Variants in SPIN1 observed in about 807,000 individuals in gnomAD.
The protein encoded by SPIN1 is spindlin-1.
Under a neutral mutation model 26.0 loss-of-function variants are expected in SPIN1, and 3 were observed. That is an observed-to-expected ratio of 0.12 (90% confidence interval 0.05 to 0.30). SPIN1 has a LOEUF of 0.30. Ranked by LOEUF, SPIN1 falls within the 10% of genes least tolerant of loss-of-function variation. The pLI is 1.00. For synonymous variants in SPIN1, 101 were observed against 116.5 expected, an observed-to-expected ratio of 0.87 and a Z score of 0.86; for missense variants, 126 against 333.4, an observed-to-expected ratio of 0.38 and a Z score of 4.84.
At chr9:88,470,660 TCTC>T (rs1189669919) in intron 5 of SPIN1, among the ~76,000 whole-genome samples, 1 of 151,522 alleles carries the variant, frequency 6.6e-6, no homozygotes, top group Non-Finnish European at 1.5e-5. Context: ...ATTGGCGTGA[TCTC>T]AGCTTACTGC....
chr9:88,407,172 C>G (rs984586125), intron 1 of SPIN1, among the ~76,000 whole-genome samples: 1 of 147,384 alleles, frequency 6.8e-6, no homozygotes, highest in African/African-American at 2.5e-5. Context: ...GAGTCTCACT[C>G]TGTTGCCCAG....
At chr9:88,473,936 A>G (rs1239673679) in intron 5 of SPIN1, among the ~76,000 whole-genome samples, 1 of 152,198 alleles carries the variant, frequency 6.6e-6, no homozygotes, top group African/African-American at 2.4e-5. Flanking sequence ...ATTTCTTTTA[A>G]AAGAATTGAT....
chr9:88,472,275 A>T (rs943118011), intron 5 of SPIN1, among the ~76,000 whole-genome samples: 1 of 152,214 alleles, frequency 6.6e-6, no homozygotes, highest in Non-Finnish European at 1.5e-5. Context: ...ACAAGACTTT[A>T]TAAGTCTTCT....
At chr9:88,474,965 T>C in intron 5 of SPIN1, 113 bp from the exon 6 acceptor site, 2 of 1,059,608 alleles carry the variant, frequency 1.9e-6, no homozygotes, top group Non-Finnish European at 2.6e-6. Flanking sequence ...ATTCAGGCTA[T>C]TAAAATTTTT....
In SPIN1 at chr9:88,477,308, G is replaced by A. The variant is rs971108818; in HGVS notation, c.*2031G>A. On this transcript the variant is annotated 3_prime_UTR_variant, in exon 6 of 6. Coordinates refer to ENST00000375859, the MANE Select transcript of SPIN1 (RefSeq NM_006717.3). Reference sequence around the variant, plus strand: ...GCAGAACTTGGCTCGGTAACTTTGCGTGGAAAAATAAAGTACATTTTGAAG... The same window carrying A: ...GCAGAACTTGGCTCGGTAACTTTGCATGGAAAAATAAAGTACATTTTGAAG... 3 of 152,156 alleles carry A rather than the reference G, an allele frequency of 2.0e-5. No individual in the cohort carries two copies. Among genetic ancestry groups the A allele is most frequent in the Non-Finnish European group, 4.4e-5 (3 of 68,034 alleles). 9.4% of individuals were successfully genotyped at this position (152,156 alleles called of 1,614,324 possible).
chr9:88,427,335 C>G (rs1462390574), intron 2 of SPIN1, among the ~76,000 whole-genome samples: 1 of 152,076 alleles, frequency 6.6e-6, no homozygotes, highest in Non-Finnish European at 1.5e-5. Flanking sequence ...ATTTGGAGTT[C>G]TGTTGTAGAA....
chr9:88,417,207 C>T (rs1827584693), intron 1 of SPIN1, among the ~76,000 whole-genome samples: 1 of 152,088 alleles, frequency 6.6e-6, no homozygotes, highest in Admixed American at 6.5e-5. Flanking sequence ...GTATAAATGT[C>T]TGTGATAATT....
intron 1 of SPIN1, chr9:88,411,071 G>T: frequency 6.4e-7 from 1 of 1,571,492 alleles, no homozygotes; most frequent in Non-Finnish European, 8.6e-7. Context: ...AATCACTTCA[G>T]TTTTTCAGAA....
At chr9:88,469,191 G>A (rs942015371) in intron 5 of SPIN1, among the ~76,000 whole-genome samples, 5 of 152,174 alleles carry the variant, frequency 3.3e-5, no homozygotes, top group African/African-American at 9.7e-5. Flanking sequence ...TTCTTCACAT[G>A]CGTAGTTCAC....
chr9:88,464,017 G>T (rs916640828), intron 4 of SPIN1, among the ~76,000 whole-genome samples: 9 of 152,188 alleles, frequency 5.9e-5, no homozygotes, highest in African/African-American at 2.2e-4. Context: ...ACCTGTGGTT[G>T]TTGGTCCTTT....
At chr9:88,410,542 C>T (rs2117957044) in intron 1 of SPIN1, 2 of 804,374 alleles carry the variant, frequency 2.5e-6, no homozygotes, top group East Asian at 2.4e-5. Flanking sequence ...AAATCTTCTG[C>T]TACTGCCATA....
intron 5 of SPIN1, among the ~76,000 whole-genome samples, chr9:88,473,377 G>A (rs1828828228): frequency 6.7e-6 from 1 of 149,524 alleles, no homozygotes; most frequent in African/African-American, 2.6e-5. Flanking sequence ...TGGGCGAGAA[G>A]AGCAAGACTC....
At chr9:88,459,568 C>T (rs944393509) in intron 3 of SPIN1, among the ~76,000 whole-genome samples, 2 of 152,174 alleles carry the variant, frequency 1.3e-5, no homozygotes. Context: ...AAGACACTCA[C>T]TATACTTACT....
At chr9:88,425,561 C>A (rs370696512) in intron 1 of SPIN1, among the ~76,000 whole-genome samples, 1 of 151,880 alleles carries the variant, frequency 6.6e-6, no homozygotes, top group South Asian at 2.1e-4. Flanking sequence ...ACCTGTAGTT[C>A]CAGCTACTCC....
At chr9:88,397,591 TTCA>T (rs1197392097) in intron 1 of SPIN1, among the ~76,000 whole-genome samples, 4 of 152,024 alleles carry the variant, frequency 2.6e-5, no homozygotes, top group Admixed American at 2.0e-4. Flanking sequence ...TGTACTGATA[TTCA>T]TCACCGACTC....
At chr9:88,474,703 G>T (rs1012681552) in intron 5 of SPIN1, among the ~76,000 whole-genome samples, 2 of 152,128 alleles carry the variant, frequency 1.3e-5, no homozygotes, top group African/African-American at 4.8e-5. Context: ...TTAAACATGG[G>T]CCAAAGAAAT....
chr9:88,406,482 C>G (rs900112476), intron 1 of SPIN1, among the ~76,000 whole-genome samples: 6 of 152,014 alleles, frequency 3.9e-5, no homozygotes, highest in Middle Eastern at 3.4e-3. Context: ...TTAGTAGAGA[C>G]AGGGTTTCAC....
At chr9:88,390,768 A>G (rs1826902920) in intron 1 of SPIN1, among the ~76,000 whole-genome samples, 1 of 152,204 alleles carries the variant, frequency 6.6e-6, no homozygotes, top group Non-Finnish European at 1.5e-5. Flanking sequence ...ATGGCCTTCC[A>G]AGTCAGAACA....
intron 2 of SPIN1, among the ~76,000 whole-genome samples, chr9:88,444,309 C>T (rs959448980): frequency 4.2e-5 from 6 of 142,592 alleles, no homozygotes; most frequent in East Asian, 4.2e-4. Context: ...GGCGGGATCG[C>T]GGCTCACTGC....
Sources: gnomAD v4.1 joint callset for allele counts (sites outside exome capture counted in the v4.1 genomes callset) on GRCh38, gnomAD v4.1.1 for gene constraint, MANE v1.5 for transcripts, NCBI Gene and HGNC (gene_info 2026-07-23, HGNC 2026-07-21) for gene names.